UBTD1: variants seen among roughly 807,000 people sequenced by gnomAD.
The protein encoded by UBTD1 is ubiquitin domain containing 1.
A neutral mutation model predicts 21.7 loss-of-function variants in UBTD1; 19 were observed. The observed-to-expected ratio is 0.87, with a 90% CI of 0.61 to 1.28. UBTD1 has a LOEUF of 1.28. Ranked by LOEUF, UBTD1 falls within the 50% of genes most tolerant of loss-of-function variation. The pLI is 0.00. For missense variants in UBTD1, 282 were observed against 315.1 expected, an observed-to-expected ratio of 0.89 and a Z score of 0.80; for synonymous variants, 116 against 135.1, an observed-to-expected ratio of 0.86 and a Z score of 0.98.
chr10:97,523,537 G>T (rs904162293), intron 1 of UBTD1, among the ~76,000 whole-genome samples: 3 of 152,084 alleles, frequency 2.0e-5, no homozygotes, highest in Non-Finnish European at 4.4e-5. Flanking sequence ...CCTGTCTGCA[G>T]GGCCTGTCTT....
intron 1 of UBTD1, among the ~76,000 whole-genome samples, chr10:97,536,166 A>G (rs1369468210): frequency 6.6e-6 from 1 of 151,754 alleles, no homozygotes; most frequent in African/African-American, 2.4e-5. Context: ...CTAATTTTGT[A>G]TTTTTAGTAG....
At chr10:97,519,452 A>G (rs1367936968) in intron 1 of UBTD1, among the ~76,000 whole-genome samples, 1 of 152,168 alleles carries the variant, frequency 6.6e-6, no homozygotes, top group Non-Finnish European at 1.5e-5. Context: ...CATGCTTGAA[A>G]TGCCCCAAGA....
intron 1 of UBTD1, among the ~76,000 whole-genome samples, chr10:97,514,667 C>T (rs1274415636): frequency 6.6e-6 from 1 of 152,136 alleles, no homozygotes; most frequent in African/African-American, 2.4e-5. Context: ...GTCGTCTTAT[C>T]TTCATTGCCC....
intron 1 of UBTD1, among the ~76,000 whole-genome samples, chr10:97,553,386 C>T (rs2040649574): frequency 2.0e-5 from 3 of 152,248 alleles, no homozygotes; most frequent in South Asian, 2.1e-4. Context: ...CTGCCTCAGC[C>T]TCCAAAAGTG....
intron 1 of UBTD1, among the ~76,000 whole-genome samples, chr10:97,545,430 G>C (rs1414022351): frequency 4.5e-5 from 1 of 21,980 alleles, no homozygotes; most frequent in African/African-American, 9.5e-5. Context: ...GTGTGTGTGT[G>C]GGTGTGTGTG....
intron 1 of UBTD1, among the ~76,000 whole-genome samples, chr10:97,534,575 G>GTGCA (rs1554865768): frequency 1.5e-4 from 7 of 46,932 alleles, no homozygotes; most frequent in Non-Finnish European, 3.9e-4. Context: ...ACACACGCGC[G>GTGCA]CGCGCACACA....
At chr10:97,522,980 G>A (rs181589526) in intron 1 of UBTD1, among the ~76,000 whole-genome samples, 2 of 152,232 alleles carry the variant, frequency 1.3e-5, no homozygotes, top group African/African-American at 4.8e-5. Context: ...TTCTGTTGAG[G>A]CATCCCTGAG....
chr10:97,567,030 CCTT>C (rs2040719986), intron 1 of UBTD1, among the ~76,000 whole-genome samples: 1 of 151,842 alleles, frequency 6.6e-6, no homozygotes, highest in Non-Finnish European at 1.5e-5. Flanking sequence ...CTTAAAAAAT[CCTT>C]TTTTTAAGTG....
intron 1 of UBTD1, among the ~76,000 whole-genome samples, chr10:97,501,213 C>G (rs1387979808): frequency 6.6e-6 from 1 of 152,236 alleles, no homozygotes; most frequent in Non-Finnish European, 1.5e-5. Flanking sequence ...AGTCATCATT[C>G]AGTCCTACAC....
chr10:97,568,685 G>T (rs1272414428), intron 2 of UBTD1, among the ~76,000 whole-genome samples: 2 of 152,102 alleles, frequency 1.3e-5, no homozygotes, highest in Non-Finnish European at 2.9e-5. Context: ...GCCTCCCAAA[G>T]GCACTGACCT....
At chr10:97,528,151 C>T (rs867962379) in intron 1 of UBTD1, among the ~76,000 whole-genome samples, 32 of 121,890 alleles carry the variant, frequency 2.6e-4, no homozygotes, top group Admixed American at 1.5e-3. Flanking sequence ...CCCTCCCGGA[C>T]GGGGCGGCTG....
intron 1 of UBTD1, among the ~76,000 whole-genome samples, chr10:97,527,124 C>T (rs1218634516): frequency 5.9e-5 from 8 of 135,514 alleles, no homozygotes; most frequent in Admixed American, 4.3e-4. Context: ...GAGCCAAGAT[C>T]GTGCCACTGC....
Position 97,499,048 on chromosome 10 carries a change from G to T in UBTD1, c.-156G>T. The T allele has an allele frequency of 2.5e-6, 2 of 810,378 alleles. No individual in the cohort carries two copies. The highest frequency in any genetic ancestry group is 1.9e-5 in the South Asian group (1 of 51,526). The allele number at this position is 810,378 out of a possible 1,614,324, so 50.2% of individuals were successfully genotyped here. On this transcript the variant is annotated 5_prime_UTR_variant, in exon 1 of 3. Coordinates refer to ENST00000370664, the MANE Select transcript of UBTD1 (RefSeq NM_024954.5). ...TCTCTCCCCTGGCCCGCAAAGTTTT[G>T]GCGGAGCCATCGCTGGGGCTGAGCG...
At position 97,499,128 on chromosome 10, in the gene UBTD1, C is replaced by A; in HGVS notation, c.-76C>A. On this transcript the variant is annotated 5_prime_UTR_variant, in exon 1 of 3. Transcript: ENST00000370664. ...GATGCCGGGCGGCCGGAGCCATTGACCCGGGACGCCGCCGTCCGCTGAGCA... is the reference window on the plus strand; with the variant it reads ...GATGCCGGGCGGCCGGAGCCATTGAACCGGGACGCCGCCGTCCGCTGAGCA... The A allele has an allele frequency of 6.9e-7, 1 of 1,445,202 alleles. No homozygotes were observed. The highest frequency in any genetic ancestry group is 1.4e-5 in the South Asian group (1 of 73,374). 89.5% of individuals were successfully genotyped at this position (1,445,202 alleles called of 1,614,324 possible). A position where few individuals can be genotyped will look rare whatever the true frequency, so the allele number is the denominator to read the frequency against.
chr10:97,566,173 AT>A (rs1461622953), intron 1 of UBTD1, among the ~76,000 whole-genome samples: 2 of 151,580 alleles, frequency 1.3e-5, no homozygotes, highest in African/African-American at 4.9e-5. Context: ...TTAACTCAGT[AT>A]TTCATAATCT....
chr10:97,527,132 T>C (rs1301188977), intron 1 of UBTD1, among the ~76,000 whole-genome samples: 2 of 131,158 alleles, frequency 1.5e-5, no homozygotes, highest in Non-Finnish European at 3.1e-5. Context: ...ATCGTGCCAC[T>C]GCACTCCAGC....
At chr10:97,518,427 C>T (rs894994114) in intron 1 of UBTD1, among the ~76,000 whole-genome samples, 5 of 152,322 alleles carry the variant, frequency 3.3e-5, no homozygotes, top group East Asian at 3.9e-4. Context: ...CCTACCGGCC[C>T]GAGGCTGCCT....
chr10:97,531,618 TG>T (rs1379732075), intron 1 of UBTD1, among the ~76,000 whole-genome samples: 1 of 152,178 alleles, frequency 6.6e-6, no homozygotes, highest in Non-Finnish European at 1.5e-5. Context: ...TGACTGTGCT[TG>T]GGATCACTGG....
At chr10:97,535,615 A>AAAAAAG (rs914287852) in intron 1 of UBTD1, among the ~76,000 whole-genome samples, 17 of 152,230 alleles carry the variant, frequency 1.1e-4, no homozygotes, top group Non-Finnish European at 2.2e-4. Context: ...ACTCTGTCTC[A>AAAAAAG]AAAAAGAAAA....
Sources: allele counts gnomAD v4.1 joint callset (sites outside exome capture counted in the v4.1 genomes callset), GRCh38; gene constraint gnomAD v4.1.1; transcripts MANE v1.5; gene names NCBI Gene and HGNC (gene_info 2026-07-23, HGNC 2026-07-21).